CNTNAP2: variants seen among roughly 807,000 people sequenced by gnomAD.
CNTNAP2 encodes contactin associated protein 2, also known as contactin-associated protein-like 2.
CNTNAP2 carries 98 observed loss-of-function variants against 155.2 expected under a neutral mutation model. That is an observed-to-expected ratio of 0.63 (90% CI 0.54 to 0.75). The LOEUF (loss-of-function observed/expected upper bound fraction) is 0.75. CNTNAP2 is among the 30% of genes least tolerant of loss of function. The pLI is 0.00. For synonymous variants in CNTNAP2, 651 were observed against 631.2 expected (o/e 1.03, Z -0.47); for missense variants, 1,727 against 1,688.1 (o/e 1.02, Z -0.40).
chr7:146,144,271 C>A (rs984333384), intron 1 of CNTNAP2, among the ~76,000 whole-genome samples: 4 of 152,048 alleles, frequency 2.6e-5, no homozygotes, highest in Non-Finnish European at 5.9e-5. Context: ...CTCGCCTCAG[C>A]CCCTCAAGTA....
chr7:146,852,448 C>A (rs910318303), intron 3 of CNTNAP2, among the ~76,000 whole-genome samples: 7 of 152,020 alleles, frequency 4.6e-5, no homozygotes, highest in Admixed American at 4.6e-4. Flanking sequence ...GCAAATGAAC[C>A]AAAGACACTT....
chr7:146,839,481 C>T (rs1031407042), intron 2 of CNTNAP2, among the ~76,000 whole-genome samples: 1 of 151,920 alleles, frequency 6.6e-6, no homozygotes, highest in Non-Finnish European at 1.5e-5. Flanking sequence ...GACATTTGCT[C>T]AGGAGAAAAT....
chr7:146,151,676 ATATATG>A (rs1221588187), intron 1 of CNTNAP2, among the ~76,000 whole-genome samples: 1,228 of 41,310 alleles, frequency 0.03, 62 homozygotes, highest in Non-Finnish European at 0.042. Context: ...ATATATATAT[ATATATG>A]TATATATATA....
intron 13 of CNTNAP2, among the ~76,000 whole-genome samples, chr7:147,729,700 T>C (rs1045200417): frequency 2.0e-5 from 3 of 152,002 alleles, no homozygotes; most frequent in Admixed American, 6.6e-5. Flanking sequence ...AGAAGATGGA[T>C]TGTAGAAAAT....
At chr7:147,370,158 G>C (rs987188469) in intron 9 of CNTNAP2, among the ~76,000 whole-genome samples, 2 of 152,064 alleles carry the variant, frequency 1.3e-5, no homozygotes, top group African/African-American at 4.8e-5. Context: ...TGTGCGATTT[G>C]CTACAGATTT....
At chr7:146,861,436 CA>C (rs1348116144) in intron 3 of CNTNAP2, among the ~76,000 whole-genome samples, 4 of 152,104 alleles carry the variant, frequency 2.6e-5, no homozygotes, top group Non-Finnish European at 5.9e-5. Flanking sequence ...CAATTTTGTA[CA>C]GTTGTCTTAT....
intron 3 of CNTNAP2, among the ~76,000 whole-genome samples, chr7:146,921,447 C>T (rs771647907): frequency 3.5e-4 from 54 of 152,128 alleles, no homozygotes; most frequent in Admixed American, 5.2e-4. Flanking sequence ...TGTATTAGTT[C>T]TCATGCGGCT....
At chr7:146,411,924 C>T (rs1210151600) in intron 1 of CNTNAP2, among the ~76,000 whole-genome samples, 1 of 151,862 alleles carries the variant, frequency 6.6e-6, no homozygotes, top group African/African-American at 2.4e-5. Context: ...ACAACATCCG[C>T]CTCCCTGGTT....
At chr7:146,886,819 C>T (rs1020224109) in intron 3 of CNTNAP2, among the ~76,000 whole-genome samples, 4 of 150,330 alleles carry the variant, frequency 2.7e-5, no homozygotes, top group East Asian at 2.0e-4. Flanking sequence ...TGCGTGAACA[C>T]GAAATGGATT....
chr7:147,485,344 A>G (rs1284792918), intron 10 of CNTNAP2, among the ~76,000 whole-genome samples: 1 of 152,216 alleles, frequency 6.6e-6, no homozygotes, highest in Non-Finnish European at 1.5e-5. Flanking sequence ...AGATTTGAAC[A>G]CAAAACCTGT....
At chr7:146,135,372 A>G (rs1345978625) in intron 1 of CNTNAP2, among the ~76,000 whole-genome samples, 1 of 152,090 alleles carries the variant, frequency 6.6e-6, no homozygotes, top group Non-Finnish European at 1.5e-5. Flanking sequence ...AATTTATATA[A>G]TCTCTCAGAG....
At chr7:146,843,873 A>G (rs1409386658) in intron 3 of CNTNAP2, among the ~76,000 whole-genome samples, 1 of 152,120 alleles carries the variant, frequency 6.6e-6, no homozygotes, top group African/African-American at 2.4e-5. Flanking sequence ...TGGCTTTTTG[A>G]TGGAAAACAC....
intron 17 of CNTNAP2, among the ~76,000 whole-genome samples, chr7:148,156,553 C>T (rs1015249561): frequency 1.3e-5 from 2 of 152,158 alleles, no homozygotes; most frequent in Admixed American, 6.5e-5. Flanking sequence ...TGGATGATCT[C>T]ATTCAGCCCA....
intron 13 of CNTNAP2, among the ~76,000 whole-genome samples, chr7:147,657,778 C>T (rs534027744): frequency 6.6e-6 from 1 of 152,284 alleles, no homozygotes; most frequent in East Asian, 1.9e-4. Flanking sequence ...CATTGGCCTT[C>T]ACTTGTATTA....
chr7:146,186,193 C>T (rs1028666443), intron 1 of CNTNAP2, among the ~76,000 whole-genome samples: 8 of 152,096 alleles, frequency 5.3e-5, no homozygotes, highest in African/African-American at 1.9e-4. Context: ...TTGCCTATTT[C>T]CATTTTCTTA....
chr7:146,842,834 C>T (rs567387967), intron 3 of CNTNAP2, among the ~76,000 whole-genome samples: 34 of 151,190 alleles, frequency 2.2e-4, no homozygotes, highest in African/African-American at 7.0e-4. Flanking sequence ...CACAGGCGCC[C>T]GCCACCACGC....
At chr7:147,581,194 C>T (rs1296443722) in intron 12 of CNTNAP2, among the ~76,000 whole-genome samples, 1 of 152,154 alleles carries the variant, frequency 6.6e-6, no homozygotes, top group Non-Finnish European at 1.5e-5. Flanking sequence ...ATTTTTGTCA[C>T]TTCATTATAA....
At chr7:147,110,937 T>C (rs920238886) in intron 5 of CNTNAP2, among the ~76,000 whole-genome samples, 5 of 152,238 alleles carry the variant, frequency 3.3e-5, no homozygotes, top group African/African-American at 4.8e-5. Flanking sequence ...TCTAGGTCTT[T>C]GAGGAATCTT....
intron 3 of CNTNAP2, among the ~76,000 whole-genome samples, chr7:146,868,494 A>G (rs1338605942): frequency 6.6e-6 from 1 of 152,160 alleles, no homozygotes; most frequent in Non-Finnish European, 1.5e-5. Flanking sequence ...TGCCTTGGCT[A>G]TGCGGGCTCA....
Sources: gnomAD v4.1 joint callset for allele counts (sites outside exome capture counted in the v4.1 genomes callset) on GRCh38, gnomAD v4.1.1 for gene constraint, MANE v1.5 for transcripts, NCBI Gene and HGNC (gene_info 2026-07-23, HGNC 2026-07-21) for gene names.